HTR4: variants seen among roughly 807,000 people sequenced by gnomAD.
HTR4 encodes 5-hydroxytryptamine (serotonin) receptor 4, G protein-coupled.
A neutral mutation model predicts 36.8 loss-of-function variants in HTR4; 16 were observed. The observed-to-expected ratio is 0.43, with a 90% CI of 0.29 to 0.66. HTR4 has a LOEUF of 0.66. Among genes scored for constraint, HTR4 ranks in the 30% least tolerant of loss-of-function variants. The pLI is 0.13. For missense variants in HTR4, 438 were observed against 490.9 expected (o/e 0.89, Z 1.02); for synonymous variants, 189 against 185.1 (o/e 1.02, Z -0.17).
intron 5 of HTR4, among the ~76,000 whole-genome samples, chr5:148,466,175 T>C (rs1282039030): frequency 6.6e-6 from 1 of 152,140 alleles, no homozygotes; most frequent in Non-Finnish European, 1.5e-5. Flanking sequence ...TTGCAACAAC[T>C]TGGGATGTTC....
At chr5:148,470,210 G>C (rs1238765330) in intron 5 of HTR4, among the ~76,000 whole-genome samples, 1 of 152,132 alleles carries the variant, frequency 6.6e-6, no homozygotes, top group Non-Finnish European at 1.5e-5. Context: ...TATTAATAAA[G>C]ATAGCTAACA....
chr5:148,516,565 G>A (rs752130079), intron 5 of HTR4, among the ~76,000 whole-genome samples: 13 of 151,532 alleles, frequency 8.6e-5, no homozygotes, highest in South Asian at 4.2e-4. Flanking sequence ...TGATCTGCCC[G>A]CCTTGGCCTC....
At chr5:148,561,625 A>AT (rs60330024) in intron 2 of HTR4, among the ~76,000 whole-genome samples, 3,855 of 144,324 alleles carry the variant, frequency 0.027, 140 homozygotes, top group African/African-American at 0.085. Context: ...TGTTGAAAAC[A>AT]TTTTTTTTTT....
chr5:148,607,986 G>A (rs544357891), intron 2 of HTR4, among the ~76,000 whole-genome samples: 3 of 152,242 alleles, frequency 2.0e-5, no homozygotes, highest in Non-Finnish European at 4.4e-5. Flanking sequence ...ACTGGAGGGC[G>A]ACGGCTAAGA....
intron 2 of HTR4, among the ~76,000 whole-genome samples, chr5:148,564,744 T>C (rs1178986088): frequency 6.6e-6 from 1 of 152,168 alleles, no homozygotes; most frequent in African/African-American, 2.4e-5. Flanking sequence ...CTTTCCCACA[T>C]TGTACTCTTT....
exon 6 of HTR4, chr5:148,451,150 C>T (rs202071733): frequency 3.6e-5 from 58 of 1,612,626 alleles, no homozygotes; most frequent in African/African-American, 1.1e-4. Context: ...AACATGAATG[C>T]GAATGAATGG....
intron 2 of HTR4, among the ~76,000 whole-genome samples, chr5:148,577,202 T>C (rs1760959212): frequency 6.6e-6 from 1 of 152,060 alleles, no homozygotes; most frequent in African/African-American, 2.4e-5. Context: ...GTTGCCAACA[T>C]GCATATGGAA....
chr5:148,569,666 G>T (rs1325724088), intron 2 of HTR4, among the ~76,000 whole-genome samples: 1 of 151,568 alleles, frequency 6.6e-6, no homozygotes, highest in African/African-American at 2.4e-5. Context: ...TCCAAAACAT[G>T]AGTAGATTAA....
intron 2 of HTR4, among the ~76,000 whole-genome samples, chr5:148,596,851 A>G (rs1761797784): frequency 2.0e-5 from 3 of 152,208 alleles, no homozygotes; most frequent in African/African-American, 7.2e-5. Flanking sequence ...ACCAGGTGCT[A>G]AAAGTTCAGT....
At chr5:148,608,498 T>G (rs1752274546) in intron 2 of HTR4, among the ~76,000 whole-genome samples, 1 of 152,004 alleles carries the variant, frequency 6.6e-6, no homozygotes, top group African/African-American at 2.4e-5. Context: ...AGTAATGCAT[T>G]AGAACTGGAA....
intron 4 of HTR4, among the ~76,000 whole-genome samples, chr5:148,524,741 A>G (rs779448670): frequency 1.8e-4 from 28 of 152,160 alleles, no homozygotes; most frequent in Non-Finnish European, 2.5e-4. Flanking sequence ...TTAATGATGA[A>G]CCACCCTCAT....
intron 2 of HTR4, among the ~76,000 whole-genome samples, chr5:148,609,749 G>C (rs1382508882): frequency 6.6e-6 from 1 of 152,044 alleles, no homozygotes; most frequent in Non-Finnish European, 1.5e-5. Flanking sequence ...GCATTTTTTA[G>C]TAGAGACGGG....
chr5:148,633,471 C>T (rs574554455), intron 2 of HTR4, among the ~76,000 whole-genome samples: 32 of 150,498 alleles, frequency 2.1e-4, no homozygotes, highest in African/African-American at 3.4e-4. Flanking sequence ...TGCTGGTGTG[C>T]GCACCCATTA....
At chr5:148,611,557 C>G (rs936210458) in intron 2 of HTR4, among the ~76,000 whole-genome samples, 1 of 142,138 alleles carries the variant, frequency 7.0e-6, no homozygotes, top group African/African-American at 2.7e-5. Flanking sequence ...CAACCGGTAC[C>G]AGCCACTGCA....
chr5:148,458,141 T>A (rs1755169309), intron 5 of HTR4, among the ~76,000 whole-genome samples: 6 of 142,684 alleles, frequency 4.2e-5, no homozygotes, highest in Admixed American at 1.4e-4. Flanking sequence ...TATTTTAATA[T>A]CTATTTAATA....
chr5:148,529,517 A>T lies in HTR4; in HGVS notation c.354-6171T>A, dbSNP rs117129709. On this transcript the variant is annotated intron_variant, in intron 4 of 6. Coordinates refer to ENST00000377888, the MANE Select transcript of HTR4 (RefSeq NM_000870.7). Reference sequence around the variant, plus strand: ...TGAGACATGGCTTTCGCCTTCTGCCATGATTGTGAGGCTTCCCCATCCACA... The same window carrying T: ...TGAGACATGGCTTTCGCCTTCTGCCTTGATTGTGAGGCTTCCCCATCCACA... Among the ~76,000 whole-genome samples, 401 of 152,332 alleles carry T rather than the reference A, an allele frequency of 2.6e-3. 15 individuals are homozygous for T. The East Asian group carries it at 0.059, about 22-fold the overall frequency.
At chr5:148,596,646 A>G (rs750721289) in intron 2 of HTR4, among the ~76,000 whole-genome samples, 65 of 148,122 alleles carry the variant, frequency 4.4e-4, no homozygotes, top group Admixed American at 9.4e-4. Flanking sequence ...AACCAAAAAC[A>G]TCTCTAGACA....
chr5:148,588,586 TGC>T (rs1464122747), intron 2 of HTR4, among the ~76,000 whole-genome samples: 2 of 142,718 alleles, frequency 1.4e-5, no homozygotes, highest in Admixed American at 7.3e-5. Flanking sequence ...CAGGCCGGAC[TGC>T]GGACTGCAGT....
intron 2 of HTR4, among the ~76,000 whole-genome samples, chr5:148,556,279 C>A (rs376771732): frequency 1.1e-4 from 17 of 152,224 alleles, no homozygotes; most frequent in East Asian, 3.8e-4. Flanking sequence ...CCGCCTCGGC[C>A]TCCCAACTTG....
Sources: allele counts gnomAD v4.1 joint callset (sites outside exome capture counted in the v4.1 genomes callset), GRCh38; gene constraint gnomAD v4.1.1; transcripts MANE v1.5; gene names NCBI Gene and HGNC (gene_info 2026-07-23, HGNC 2026-07-21).